Variants in BCKDHB observed in about 807,000 individuals in gnomAD.
The protein encoded by BCKDHB is 2-oxoisovalerate dehydrogenase subunit beta, mitochondrial.
In BCKDHB, 41 loss-of-function variants were observed where a neutral mutation model predicts 48.5. The observed-to-expected ratio is 0.85, with a 90% CI of 0.66 to 1.10. The LOEUF is 1.10. Ranked by LOEUF, BCKDHB falls within the 50% of genes least tolerant of loss-of-function variation. BCKDHB has a pLI of 0.00. For missense variants in BCKDHB, 496 were observed against 494.2 expected (o/e 1.00, Z -0.03); for synonymous variants, 201 against 174.8 (o/e 1.15, Z -1.18).
At chr6:80,264,218 G>T (rs1777420375) in intron 8 of BCKDHB, among the ~76,000 whole-genome samples, 1 of 152,024 alleles carries the variant, frequency 6.6e-6, no homozygotes, top group Admixed American at 6.6e-5. Flanking sequence ...AACCCTTTAG[G>T]GACCTGAGTT....
the BCKDHB span, among the ~76,000 whole-genome samples, chr6:80,416,771 TTTA>T: frequency 0.37 from 55,260 of 148,286 alleles, 12,677 homozygotes; most frequent in Non-Finnish European, 0.53. Context: ...TATTTTTATT[TTTA>T]TTTTTTTTAA....
the BCKDHB span, among the ~76,000 whole-genome samples, chr6:80,386,614 G>A: frequency 6.6e-6 from 1 of 152,180 alleles, no homozygotes; most frequent in African/African-American, 2.4e-5. Flanking sequence ...CAGGGGCCAA[G>A]TGGTGGCACT....
intron 6 of BCKDHB, among the ~76,000 whole-genome samples, chr6:80,190,948 C>T (rs1238931978): frequency 1.3e-5 from 2 of 151,308 alleles, no homozygotes; most frequent in Non-Finnish European, 3.0e-5. Flanking sequence ...TAGATGGCAG[C>T]GATGTTGGTG....
In BCKDHB at chr6:80,268,195, C is replaced by A. The variant is rs112880586; in HGVS notation, c.952-4940C>A. ...TGAGGTTTTTCTGGCTAACTTGTTA[C>A]ATGCACTTGGCTACAAAACAAGAAA... On this transcript the variant is annotated intron_variant, in intron 8 of 9. Transcript: ENST00000320393. 1.4e-3 allele frequency among the ~76,000 whole-genome samples: 216 copies of A among 152,188 alleles called. 1 individual carries two copies. Among genetic ancestry groups the A allele is most frequent in the South Asian group, 3.9e-3 (19 of 4,828 alleles).
At chr6:80,156,633 A>G (rs1355691688) in intron 3 of BCKDHB, among the ~76,000 whole-genome samples, 1 of 152,154 alleles carries the variant, frequency 6.6e-6, no homozygotes, top group Non-Finnish European at 1.5e-5. Flanking sequence ...TTAGTGTTCA[A>G]GGACTGCTTG....
chr6:80,125,645 C>G (rs901211465), intron 1 of BCKDHB, among the ~76,000 whole-genome samples: 2 of 152,042 alleles, frequency 1.3e-5, no homozygotes, highest in African/African-American at 4.8e-5. Context: ...TATTATGTCT[C>G]AGGGAATAGG....
At chr6:80,174,113 C>A (rs1253248205) in intron 6 of BCKDHB, among the ~76,000 whole-genome samples, 1 of 152,044 alleles carries the variant, frequency 6.6e-6, no homozygotes, top group Non-Finnish European at 1.5e-5. Flanking sequence ...TGACTTTTTC[C>A]CCTACATCCC....
intron 9 of BCKDHB, among the ~76,000 whole-genome samples, chr6:80,281,420 T>C (rs978087374): frequency 1.3e-5 from 2 of 152,136 alleles, no homozygotes; most frequent in Non-Finnish European, 2.9e-5. Flanking sequence ...GAATATTAAA[T>C]GCTTCCAGAA....
At chr6:80,210,135 CAAAAA>C (rs61476553) in intron 8 of BCKDHB, among the ~76,000 whole-genome samples, 3 of 113,010 alleles carry the variant, frequency 2.7e-5, no homozygotes, top group Admixed American at 8.9e-5. Flanking sequence ...AAGAAATATA[CAAAAA>C]AAAAAAAAAA....
chr6:80,399,553 C>A, the BCKDHB span, among the ~76,000 whole-genome samples: 1 of 152,052 alleles, frequency 6.6e-6, no homozygotes, highest in African/African-American at 2.4e-5. Context: ...GGTGAAAGAT[C>A]TCTACAAGGA....
chr6:80,236,089 A>G (rs1309424895), intron 8 of BCKDHB, among the ~76,000 whole-genome samples: 1 of 152,224 alleles, frequency 6.6e-6, no homozygotes, highest in Non-Finnish European at 1.5e-5. Context: ...TTTATTCAGA[A>G]TTCTATTAAA....
the BCKDHB span, among the ~76,000 whole-genome samples, chr6:80,424,380 T>C: frequency 6.6e-6 from 1 of 152,166 alleles, no homozygotes. Context: ...TTTTAAAGAA[T>C]ACTGCATATT....
chr6:80,109,117 C>T (rs1270339538), intron 1 of BCKDHB, among the ~76,000 whole-genome samples: 1 of 152,012 alleles, frequency 6.6e-6, no homozygotes, highest in East Asian at 1.9e-4. Flanking sequence ...AATTCTTGAC[C>T]CCGGAATCAG....
At chr6:80,274,254 G>C (rs1354978151) in intron 9 of BCKDHB, among the ~76,000 whole-genome samples, 2 of 151,980 alleles carry the variant, frequency 1.3e-5, no homozygotes, top group East Asian at 3.9e-4. Context: ...TTAAAAACTA[G>C]ATCAAAGTAA....
At chr6:80,250,042 A>G (rs1462027221) in intron 8 of BCKDHB, among the ~76,000 whole-genome samples, 6 of 152,104 alleles carry the variant, frequency 3.9e-5, no homozygotes, top group Non-Finnish European at 8.8e-5. Context: ...CACTTCCTTC[A>G]TGTTACAGTA....
chr6:80,372,875 A>G, the BCKDHB span, among the ~76,000 whole-genome samples: 2 of 151,970 alleles, frequency 1.3e-5, no homozygotes, highest in Admixed American at 6.6e-5. Flanking sequence ...GGATTTTTGT[A>G]TCTATGTTCA....
intron 8 of BCKDHB, among the ~76,000 whole-genome samples, chr6:80,267,940 TA>T (rs1777581385): frequency 6.6e-6 from 1 of 152,104 alleles, no homozygotes; most frequent in Non-Finnish European, 1.5e-5. Context: ...TTTCTTGGTT[TA>T]CACTTTCCTA....
chr6:80,129,849 G>T (rs1418931829), intron 3 of BCKDHB, among the ~76,000 whole-genome samples: 2 of 152,088 alleles, frequency 1.3e-5, no homozygotes, highest in Non-Finnish European at 1.5e-5. Context: ...AAGGTAATCT[G>T]CTTTATTCAA....
chr6:80,241,556 C>G (rs564570050), intron 8 of BCKDHB, among the ~76,000 whole-genome samples: 7 of 152,238 alleles, frequency 4.6e-5, no homozygotes, highest in African/African-American at 1.2e-4. Context: ...CACTCCAGAC[C>G]CTGTTTGCCT....
Sources: gnomAD v4.1 joint callset for allele counts (sites outside exome capture counted in the v4.1 genomes callset) on GRCh38, gnomAD v4.1.1 for gene constraint, MANE v1.5 for transcripts, NCBI Gene and HGNC (gene_info 2026-07-23, HGNC 2026-07-21) for gene names.